Variants in ST6GALNAC5 observed in about 807,000 individuals in gnomAD.
ST6GALNAC5 encodes the protein ST6 N-acetylgalactosaminide alpha-2,6-sialyltransferase 5.
Under a neutral mutation model 33.6 loss-of-function variants are expected in ST6GALNAC5, and 27 were observed. The ratio of observed to expected loss-of-function variants is 0.80; its 90% CI spans 0.59 to 1.11. The LOEUF is 1.11. ST6GALNAC5 is among the 50% of genes least tolerant of loss of function. The probability of loss-of-function intolerance (pLI) is 0.00; values close to 1 mark genes in which losing one functional copy is unlikely to be tolerated. For missense variants in ST6GALNAC5, 428 were observed against 454.0 expected (o/e 0.94, Z 0.52); for synonymous variants, 194 against 171.2 (o/e 1.13, Z -1.04).
intron 2 of ST6GALNAC5, among the ~76,000 whole-genome samples, chr1:76,969,153 T>C (rs1418868449): frequency 6.6e-6 from 1 of 152,174 alleles, no homozygotes; most frequent in Non-Finnish European, 1.5e-5. Flanking sequence ...TCCTGGTTCA[T>C]CACACTGGGA....
intron 4 of ST6GALNAC5, among the ~76,000 whole-genome samples, chr1:77,056,514 A>T (rs1277671683): frequency 6.6e-6 from 1 of 152,204 alleles, no homozygotes; most frequent in African/African-American, 2.4e-5. Context: ...TCTCATCCGC[A>T]ATATGAAGGA....
chr1:77,057,407 G>A (rs955704620), intron 4 of ST6GALNAC5, among the ~76,000 whole-genome samples: 3 of 152,186 alleles, frequency 2.0e-5, no homozygotes, highest in Non-Finnish European at 2.9e-5. Context: ...CGTGACACCA[G>A]AGCCTTCAGA....
chr1:76,974,764 T>C (rs1375313048), intron 2 of ST6GALNAC5, among the ~76,000 whole-genome samples: 1 of 125,576 alleles, frequency 8.0e-6, no homozygotes, highest in Non-Finnish European at 1.6e-5. Context: ...GTAAGTTTTT[T>C]CTTTCTTTCT....
In ST6GALNAC5 at chr1:76,868,852, G is replaced by A. The variant is rs1421388479; in HGVS notation, c.261+110G>A. 2.3e-5 allele frequency: 32 copies of A among 1,415,010 alleles called. No homozygotes were observed. Among genetic ancestry groups the A allele is most frequent in the Non-Finnish European group, 2.8e-5 (30 of 1,089,190 alleles). The allele number at this position is 1,415,010 out of a possible 1,614,324, so 87.7% of individuals were successfully genotyped here. A position where few individuals can be genotyped will look rare whatever the true frequency, so the allele number is the denominator to read the frequency against. On this transcript the variant is annotated intron_variant, in intron 2 of 4. Transcript: ENST00000477717. The surrounding 1 kb of genome is among the most constrained non-coding windows in gnomAD (Gnocchi z 4.3). ...GCGCTGTGAGTAGGTGCCGTTCGAAGGCTGGAGGGGAGTGGACCCGCTGGG... is the reference window on the plus strand; with the variant it reads ...GCGCTGTGAGTAGGTGCCGTTCGAAAGCTGGAGGGGAGTGGACCCGCTGGG...
intron 2 of ST6GALNAC5, among the ~76,000 whole-genome samples, chr1:76,974,773 C>CT (rs60357939): frequency 0.19 from 6,517 of 34,968 alleles, 1,765 homozygotes; most frequent in East Asian, 0.45. Context: ...TTCTTTCTTT[C>CT]TTTTTTTTTT....
At chr1:76,958,475 T>C (rs551036145) in intron 2 of ST6GALNAC5, among the ~76,000 whole-genome samples, 1 of 152,312 alleles carries the variant, frequency 6.6e-6, no homozygotes, top group Non-Finnish European at 1.5e-5. Flanking sequence ...GTTTCATGTT[T>C]TAATTATCTT....
At chr1:76,974,761 T>TTTTC (rs1298580875) in intron 2 of ST6GALNAC5, among the ~76,000 whole-genome samples, 11 of 136,670 alleles carry the variant, frequency 8.0e-5, no homozygotes, top group South Asian at 2.4e-4. Flanking sequence ...TCTGTAAGTT[T>TTTTC]TTTCTTTCTT....
At chr1:76,904,961 T>C (rs1646851362) in intron 2 of ST6GALNAC5, among the ~76,000 whole-genome samples, 1 of 152,134 alleles carries the variant, frequency 6.6e-6, no homozygotes, top group Non-Finnish European at 1.5e-5. Context: ...TGTGAATGGA[T>C]GAGTACAGGA....
intron 2 of ST6GALNAC5, among the ~76,000 whole-genome samples, chr1:76,894,765 T>C (rs1388013318): frequency 6.6e-6 from 1 of 152,084 alleles, no homozygotes. Flanking sequence ...TGAAATCTGT[T>C]TGAGATATGA....
intron 2 of ST6GALNAC5, among the ~76,000 whole-genome samples, chr1:76,877,935 G>A (rs915903797): frequency 6.6e-6 from 1 of 152,252 alleles, no homozygotes; most frequent in Non-Finnish European, 1.5e-5. Context: ...TACATACCAG[G>A]TATGAGGAGA....
intron 2 of ST6GALNAC5, among the ~76,000 whole-genome samples, chr1:76,980,224 G>C (rs1296397459): frequency 6.6e-6 from 1 of 151,994 alleles, no homozygotes; most frequent in Non-Finnish European, 1.5e-5. Flanking sequence ...GTATTTTTAT[G>C]ATTTCTTTCT....
intron 2 of ST6GALNAC5, among the ~76,000 whole-genome samples, chr1:77,041,385 G>C (rs199700): frequency 0.022 from 3,360 of 152,236 alleles, 132 homozygotes; most frequent in African/African-American, 0.076. Flanking sequence ...TAAGGTTGGC[G>C]CAAAAGTAAT....
At chr1:76,993,746 A>G (rs1649821943) in intron 2 of ST6GALNAC5, among the ~76,000 whole-genome samples, 1 of 151,950 alleles carries the variant, frequency 6.6e-6, no homozygotes, top group Non-Finnish European at 1.5e-5. Flanking sequence ...CTCTGGAAAC[A>G]CTCTTTGAAT....
chr1:77,046,881 G>A (rs917313054), intron 3 of ST6GALNAC5, among the ~76,000 whole-genome samples: 2 of 152,114 alleles, frequency 1.3e-5, no homozygotes, highest in African/African-American at 4.8e-5. Flanking sequence ...GACTCCTTGA[G>A]AAATCATTTT....
At chr1:76,922,155 T>G (rs1647040417) in intron 2 of ST6GALNAC5, among the ~76,000 whole-genome samples, 1 of 152,174 alleles carries the variant, frequency 6.6e-6, no homozygotes, top group South Asian at 2.1e-4. Context: ...ATAAATAAAT[T>G]CAGTATGATT....
At chr1:77,036,127 C>T (rs1416249655) in intron 2 of ST6GALNAC5, among the ~76,000 whole-genome samples, 1 of 151,932 alleles carries the variant, frequency 6.6e-6, no homozygotes, top group Non-Finnish European at 1.5e-5. Context: ...TTTGATGAAC[C>T]TCAAAATTAC....
At chr1:76,924,807 C>A (rs1489689359) in intron 2 of ST6GALNAC5, among the ~76,000 whole-genome samples, 1 of 152,090 alleles carries the variant, frequency 6.6e-6, no homozygotes, top group African/African-American at 2.4e-5. Context: ...ACATTCCTGA[C>A]CTGTACAGAC....
At chr1:77,028,494 T>C (rs1324513484) in intron 2 of ST6GALNAC5, among the ~76,000 whole-genome samples, 1 of 152,204 alleles carries the variant, frequency 6.6e-6, no homozygotes, top group Non-Finnish European at 1.5e-5. Context: ...TTTCTGCAGC[T>C]TCAGAAATTC....
chr1:76,874,520 G>A (rs531445133), intron 2 of ST6GALNAC5, among the ~76,000 whole-genome samples: 3 of 152,176 alleles, frequency 2.0e-5, no homozygotes, highest in Non-Finnish European at 4.4e-5. Flanking sequence ...GGAGCAAGGA[G>A]AGTCAGTCTA....
Sources: allele counts gnomAD v4.1 joint callset (sites outside exome capture counted in the v4.1 genomes callset), GRCh38; gene constraint gnomAD v4.1.1; non-coding constraint Gnocchi (gnomAD v3.1); transcripts MANE v1.5; gene names NCBI Gene and HGNC (gene_info 2026-07-23, HGNC 2026-07-21).